Variants in SMYD3 observed in about 807,000 individuals in gnomAD.
SMYD3 encodes histone-lysine N-methyltransferase SMYD3.
A neutral mutation model predicts 57.7 loss-of-function variants in SMYD3; 36 were observed. The observed-to-expected ratio is 0.62, with a 90% confidence interval of 0.48 to 0.82. SMYD3 has a LOEUF of 0.82. Ranked by LOEUF, SMYD3 falls within the 40% of genes least tolerant of loss-of-function variation. The pLI, the probability that SMYD3 is intolerant of heterozygous loss-of-function variation, is 0.00. For missense variants in SMYD3, 515 were observed against 538.8 expected (o/e 0.96, Z 0.44); for synonymous variants, 211 against 195.0 (o/e 1.08, Z -0.68).
rs946650629 is a variant in SMYD3 at position 246,353,499 on chromosome 1, A to G, written c.228+1532T>C. ...GAACTTGATAACACCACTGCACTCC[A>G]GTCCAAGAGACAAAGCAAGACTGTC... On this transcript the variant is annotated intron_variant, in intron 2 of 11. Coordinates refer to ENST00000490107, the MANE Select transcript of SMYD3 (RefSeq NM_001167740.2). Among the ~76,000 whole-genome samples, 3 of 152,340 alleles carry G rather than the reference A, an allele frequency of 2.0e-5. 1 individual carries two copies. The highest frequency in any genetic ancestry group is 2.0e-4 in the Admixed American group (3 of 15,302).
At chr1:245,901,188 G>T (rs112821988) in intron 8 of SMYD3, among the ~76,000 whole-genome samples, 2 of 152,156 alleles carry the variant, frequency 1.3e-5, no homozygotes, top group African/African-American at 4.8e-5. Context: ...ATGACATCTG[G>T]GTGTCAGACT....
intron 1 of SMYD3, among the ~76,000 whole-genome samples, chr1:246,398,339 G>C (rs2066710115): frequency 6.6e-6 from 1 of 152,226 alleles, no homozygotes; most frequent in Non-Finnish European, 1.5e-5. Flanking sequence ...TCTTCCCGTG[G>C]TTAGTTTGGC....
At chr1:246,210,397 G>A (rs1454797397) in intron 5 of SMYD3, among the ~76,000 whole-genome samples, 1 of 152,086 alleles carries the variant, frequency 6.6e-6, no homozygotes, top group African/African-American at 2.4e-5. Context: ...ATGCATGAAG[G>A]AGAAAACTAA....
At chr1:246,489,690 G>A (rs2068240065) in intron 1 of SMYD3, among the ~76,000 whole-genome samples, 1 of 152,148 alleles carries the variant, frequency 6.6e-6, no homozygotes, top group African/African-American at 2.4e-5. Context: ...AGATGTGGAA[G>A]GCCAATATTG....
chr1:246,002,275 C>A (rs12734755), intron 5 of SMYD3, among the ~76,000 whole-genome samples: 1 of 131,686 alleles, frequency 7.6e-6, no homozygotes. Flanking sequence ...AGCTCCGCCT[C>A]CCGGGTTCAC....
chr1:246,273,130 G>GTTTTT (rs1229300238), intron 5 of SMYD3, among the ~76,000 whole-genome samples: 2 of 63,580 alleles, frequency 3.1e-5, no homozygotes, highest in African/African-American at 1.9e-4. Context: ...TAATGTCCCT[G>GTTTTT]TTTTCTTTTT....
chr1:246,479,161 C>T (rs1020086022), intron 1 of SMYD3, among the ~76,000 whole-genome samples: 4 of 151,102 alleles, frequency 2.6e-5, no homozygotes, highest in African/African-American at 9.8e-5. Flanking sequence ...GTAAACCTGT[C>T]CTCTGTCCCG....
chr1:245,847,677 G>A (rs2050733790), intron 10 of SMYD3, among the ~76,000 whole-genome samples: 1 of 148,986 alleles, frequency 6.7e-6, no homozygotes, highest in Non-Finnish European at 1.5e-5. Context: ...TGATTCAACA[G>A]GAGAAATTCA....
intron 5 of SMYD3, among the ~76,000 whole-genome samples, chr1:245,954,811 A>ATC (rs1269156545): frequency 6.6e-6 from 1 of 152,220 alleles, no homozygotes; most frequent in Non-Finnish European, 1.5e-5. Flanking sequence ...TGTATTCATT[A>ATC]TCTCTTACTT....
At chr1:246,502,135 C>CTT (rs56336266) in intron 1 of SMYD3, among the ~76,000 whole-genome samples, 92,039 of 145,686 alleles carry the variant, frequency 0.63, 29,261 homozygotes, top group East Asian at 0.89. Context: ...ATGCAGCTGC[C>CTT]TTTTTTTTTT....
At chr1:245,811,070 C>T (rs1435675512) in intron 10 of SMYD3, among the ~76,000 whole-genome samples, 1 of 152,166 alleles carries the variant, frequency 6.6e-6, no homozygotes, top group African/African-American at 2.4e-5. Flanking sequence ...GAGAGCTAGT[C>T]CCTCCTGGAA....
chr1:245,842,237 A>C (rs2050438841), intron 10 of SMYD3, among the ~76,000 whole-genome samples: 1 of 152,212 alleles, frequency 6.6e-6, no homozygotes, highest in African/African-American at 2.4e-5. Context: ...CATTGTCAGC[A>C]AAACAGGATC....
chr1:245,778,384 T>A (rs898628708), intron 10 of SMYD3, among the ~76,000 whole-genome samples: 3 of 151,732 alleles, frequency 2.0e-5, no homozygotes, highest in African/African-American at 4.8e-5. Flanking sequence ...AGCCAATTAT[T>A]TTTTTTTTCC....
rs191695260 is a variant in SMYD3, at chr1:245,775,952, A to G, written c.1077-11803T>C. ...AAAATGGACAAAGAGAATGCTTAAT[A>G]TGGGCAAATCTATGAATACTGACAA... On this transcript the variant is annotated intron_variant, in intron 10 of 11. Coordinates refer to ENST00000490107, the MANE Select transcript of SMYD3 (RefSeq NM_001167740.2). Among the ~76,000 whole-genome samples, 87 of 152,314 alleles carry G rather than the reference A, an allele frequency of 5.7e-4. 1 individual carries two copies. The East Asian group carries it at 0.01, about 18-fold the overall frequency.
rs1021551965 is a variant in SMYD3 at position 245,897,713 on chromosome 1, G to A, written c.813+17817C>T. Among the ~76,000 whole-genome samples the A allele has an allele frequency of 5.9e-5, 9 of 152,198 alleles. No individual in the cohort carries two copies. In the South Asian group the frequency reaches 1.5e-3, roughly 25 times the overall value. On this transcript the variant is annotated intron_variant, in intron 8 of 11. Transcript: ENST00000490107. ...AGTTCGAGACCAGCCTGGCCAACAT[G>A]TTGAAACCCCATCTCTACCAAAAAG...
chr1:246,010,777 G>C (rs1284896586), intron 5 of SMYD3, among the ~76,000 whole-genome samples: 1 of 152,188 alleles, frequency 6.6e-6, no homozygotes, highest in East Asian at 1.9e-4. Flanking sequence ...TATTAACTAT[G>C]GCATGGTGTC....
intron 10 of SMYD3, among the ~76,000 whole-genome samples, chr1:245,848,426 G>T (rs542666020): frequency 6.6e-6 from 1 of 151,824 alleles, no homozygotes; most frequent in East Asian, 1.9e-4. Flanking sequence ...TGGATTTTTT[G>T]TTGTTGTTAA....
intron 2 of SMYD3, among the ~76,000 whole-genome samples, chr1:246,350,141 T>G (rs1198161520): frequency 1.3e-5 from 2 of 152,222 alleles, no homozygotes. Flanking sequence ...GATTTCAGGT[T>G]AAATGTCACC....
chr1:245,853,761 G>T (rs537074868), intron 10 of SMYD3, among the ~76,000 whole-genome samples: 2 of 152,186 alleles, frequency 1.3e-5, no homozygotes, highest in South Asian at 4.1e-4. Flanking sequence ...AAACGAATGG[G>T]GCTGCTATGT....
Sources: allele counts gnomAD v4.1 joint callset (sites outside exome capture counted in the v4.1 genomes callset), GRCh38; gene constraint gnomAD v4.1.1; transcripts MANE v1.5; gene names NCBI Gene and HGNC (gene_info 2026-07-23, HGNC 2026-07-21).